FANCI: variants seen among roughly 807,000 people sequenced by gnomAD.
FANCI encodes FA complementation group I.
FANCI carries 156 observed loss-of-function variants against 176.1 expected under a neutral mutation model. The ratio of observed to expected loss-of-function variants is 0.89; its 90% CI spans 0.78 to 1.01. The LOEUF (loss-of-function observed/expected upper bound fraction) is 1.01, where lower values mean the gene tolerates loss of function less well. FANCI is among the 50% of genes least tolerant of loss of function. The probability of loss-of-function intolerance (pLI) is 0.00; values close to 1 mark genes in which losing one functional copy is unlikely to be tolerated. For missense variants in FANCI, 1,678 were observed against 1,534.1 expected (o/e 1.09, Z -1.57); for synonymous variants, 613 against 541.7 (o/e 1.13, Z -1.83).
chr15:89,263,848 C>T (rs957480917), intron 7 of FANCI, 55 bp from the exon 8 acceptor site: 1 of 1,609,832 alleles, frequency 6.2e-7, no homozygotes, highest in Middle Eastern at 1.7e-4. Flanking sequence ...AATTGAATTT[C>T]TGAAAACAAG....
intron 12 of FANCI, among the ~76,000 whole-genome samples, chr15:89,276,422 T>C (rs1291144644): frequency 6.6e-6 from 1 of 152,232 alleles, no homozygotes; most frequent in Non-Finnish European, 1.5e-5. Flanking sequence ...GCAATGAACT[T>C]CTCATCATGA....
In FANCI at chr15:89,299,907, T is replaced by G. The variant is rs1213548169; in HGVS notation, c.2744T>G (p.Ile915Arg). The change falls in exon 25 of 38, where the codon ATA becomes AGA. Residue 915 changes from isoleucine (I) to arginine (R), a missense_variant. Physicochemically the swap from Ile to Arg is moderately conservative, Grantham distance 97. This residue lies in a region of FANCI where 1,204 missense variants were observed against 1,077.4 expected (regional missense o/e 1.12). Transcript: ENST00000310775. The part of the protein sequence containing the change: ...SLLCLEGLQK[I>R]FSAVQQFYQP... ...CTGTGCTTGGAGGGTTTACAGAAAATATTCAGTGCTGTGCAACAGTTCTAT... is the reference window on the plus strand; with the variant it reads ...CTGTGCTTGGAGGGTTTACAGAAAAGATTCAGTGCTGTGCAACAGTTCTAT... 6.2e-7 allele frequency: 1 copy of G among 1,614,042 alleles called. No individual in the cohort carries two copies. Among genetic ancestry groups the G allele is most frequent in the Admixed American group, 1.7e-5 (1 of 60,016 alleles).
At chr15:89,294,101 A>G in intron 23 of FANCI, 104 bp downstream of exon 23, 1 of 1,297,764 alleles carries the variant, frequency 7.7e-7, no homozygotes, top group East Asian at 2.3e-5. Context: ...AGTAAGAAAT[A>G]AGTCAGGAGG....
intron 24 of FANCI, 120 bp downstream of exon 24, chr15:89,295,214 T>C (rs2054206911): frequency 5.2e-6 from 6 of 1,164,958 alleles, no homozygotes; most frequent in South Asian, 4.7e-5. Flanking sequence ...AGTGAAAGAA[T>C]ATAAAACATT....
chr15:89,316,463 A>G lies in FANCI; in HGVS notation c.*4A>G. The G allele has an allele frequency of 6.2e-7, 1 of 1,607,956 alleles. No individual in the cohort carries two copies. The highest frequency in any genetic ancestry group is 8.5e-7 in the Non-Finnish European group (1 of 1,176,476). ...CAAGAAGAAAAGGAAAAAATAAATG[A>G]AATGCCTGAGTTAATGTGAACTTTG... is the stretch of plus-strand genomic sequence containing the variant. On this transcript the variant is annotated 3_prime_UTR_variant, in exon 38 of 38. Transcript: ENST00000310775.
At chr15:89,283,369 T>TCTGATGATGATGATGGTG in intron 17 of FANCI, 119 bp downstream of exon 17, 1 of 1,460,906 alleles carries the variant, frequency 6.8e-7, no homozygotes, top group South Asian at 1.2e-5. Context: ...AACTAAAGAG[T>TCTGATGATGATGATGGTG]CTGATGATGA....
Position 89,292,981 on chromosome 15 carries a change from AT to A in FANCI, c.2210del (p.Ile737LysfsTer10). ...ADFSQSTSIG[I>X]KNNICAFLVM... ...TTTTTCTCAGAGCACCAGTATTGGCATAAAAAATAATATCTGTGCTTTTCTT... is the reference window on the plus strand; with the variant it reads ...TTTTTCTCAGAGCACCAGTATTGGCAAAAAAATAATATCTGTGCTTTTCTT... On this transcript the variant is annotated frameshift_variant, in exon 22 of 38. Transcript: ENST00000310775. LOFTEE classifies it high-confidence loss of function. 1 of 1,614,070 alleles carries A rather than the reference AT, an allele frequency of 6.2e-7. No homozygotes were observed. Among genetic ancestry groups the A allele is most frequent in the Non-Finnish European group, 8.5e-7 (1 of 1,179,956 alleles).
At chr15:89,304,208 T>C (rs1458519916) in intron 28 of FANCI, among the ~76,000 whole-genome samples, 1 of 152,024 alleles carries the variant, frequency 6.6e-6, no homozygotes, top group Non-Finnish European at 1.5e-5. Flanking sequence ...AACAGAAAAA[T>C]GTGGAAGAAT....
Position 89,282,118 on chromosome 15 carries a change from A to G in FANCI, c.1583+283A>G, listed in dbSNP as rs1278118945. On this transcript the variant is annotated intron_variant, in intron 16 of 37. Transcript: ENST00000310775. ...AGTGACTTTCCAAAAGTAAAACAGTAGTTGGTGGTGGAGCAAGGATTCAAA... is the reference window on the plus strand; with the variant it reads ...AGTGACTTTCCAAAAGTAAAACAGTGGTTGGTGGTGGAGCAAGGATTCAAA... 3 of 408,928 alleles carry G rather than the reference A, an allele frequency of 7.3e-6. No individual in the cohort carries two copies. The Admixed American group carries it at 1.1e-4, about 15-fold the overall frequency. 25.3% of individuals were successfully genotyped at this position (408,928 alleles called of 1,614,324 possible).
intron 4 of FANCI, among the ~76,000 whole-genome samples, 167 bp downstream of exon 4, chr15:89,261,010 A>G (rs928715842): frequency 6.6e-6 from 1 of 152,196 alleles, no homozygotes; most frequent in Non-Finnish European, 1.5e-5. Context: ...TCACACCTGT[A>G]ATCCCAGCAC....
intron 3 of FANCI, among the ~76,000 whole-genome samples, chr15:89,260,469 G>A (rs893698882): frequency 6.6e-6 from 1 of 152,114 alleles, no homozygotes; most frequent in African/African-American, 2.4e-5. Context: ...CTATTAGAAG[G>A]TTACTTCATC....
At position 89,247,248 on chromosome 15, in the gene FANCI, ATACTT is replaced by A. The variant is rs2052029748; in HGVS notation, c.-19-378_-19-374del. On this transcript the variant is annotated intron_variant, in intron 1 of 37. Transcript: ENST00000310775. Reference sequence around the variant, plus strand: ...ATTGGTTTATTCATTTATTTGTCAAATACTTTATTACATGCTTATGGTAATATATA... The same window carrying A: ...ATTGGTTTATTCATTTATTTGTCAAATATTACATGCTTATGGTAATATATA... 2.6e-5 allele frequency among the ~76,000 whole-genome samples: 4 copies of A among 152,068 alleles called. No individual in the cohort carries two copies. In the South Asian group the frequency reaches 8.3e-4, roughly 32 times the overall value.
intron 34 of FANCI, among the ~76,000 whole-genome samples, chr15:89,309,413 C>G (rs1013445): frequency 2.0e-5 from 3 of 151,876 alleles, no homozygotes; most frequent in Admixed American, 1.3e-4. Context: ...ATGCTCATAC[C>G]GTATATCTCT....
intron 2 of FANCI, among the ~76,000 whole-genome samples, chr15:89,255,378 T>G (rs1205585558): frequency 6.6e-6 from 1 of 152,180 alleles, no homozygotes; most frequent in Non-Finnish European, 1.5e-5. Flanking sequence ...TCTGCTGGGC[T>G]TTTCCATTTT....
Position 89,317,121 on chromosome 15 carries a change from C to A in FANCI, c.*662C>A. 1 of 592,080 alleles carries A rather than the reference C, an allele frequency of 1.7e-6. No homozygotes were observed. Among genetic ancestry groups the A allele is most frequent in the South Asian group, 2.0e-5 (1 of 49,598 alleles). 36.7% of individuals were successfully genotyped at this position (592,080 alleles called of 1,614,324 possible). Reference sequence around the variant, plus strand: ...GAATGCACTCTATAGAATAAATTATCTTTAAACATTTCTTCTGTGGTTGAA... The same window carrying A: ...GAATGCACTCTATAGAATAAATTATATTTAAACATTTCTTCTGTGGTTGAA... On this transcript the variant is annotated 3_prime_UTR_variant, in exon 38 of 38. Coordinates refer to ENST00000310775, the MANE Select transcript of FANCI (RefSeq NM_001113378.2).
At chr15:89,249,411 G>A (rs760885940) in intron 2 of FANCI, among the ~76,000 whole-genome samples, 15 of 152,302 alleles carry the variant, frequency 9.8e-5, no homozygotes, top group Admixed American at 1.3e-4. Flanking sequence ...GCAGTGGGGC[G>A]ATCTCGGCAC....
At chr15:89,248,192 T>C (rs539070555) in intron 2 of FANCI, among the ~76,000 whole-genome samples, 4 of 152,316 alleles carry the variant, frequency 2.6e-5, no homozygotes, top group African/African-American at 9.6e-5. Context: ...ACTATAAGTG[T>C]AGGATTATAA....
At chr15:89,276,922 A>G in intron 13 of FANCI, 31 bp downstream of exon 13, 3 of 1,612,426 alleles carry the variant, frequency 1.9e-6, no homozygotes, top group Non-Finnish European at 2.5e-6. Context: ...CCACTCCCTA[A>G]TTTTGTTTAA....
chr15:89,248,605 C>G (rs543171372), intron 2 of FANCI, among the ~76,000 whole-genome samples: 20 of 152,056 alleles, frequency 1.3e-4, no homozygotes, highest in Middle Eastern at 3.4e-3. Flanking sequence ...TAACTTGAAT[C>G]ATTCTATAGA....
Sources: gnomAD v4.1 joint callset for allele counts (sites outside exome capture counted in the v4.1 genomes callset) on GRCh38, gnomAD v4.1.1 for gene constraint, gnomAD v4.1.1 regional missense constraint, MANE v1.5 for transcripts, NCBI Gene and HGNC (gene_info 2026-07-23, HGNC 2026-07-21) for gene names.